The following MIPEP variants were observed in gnomAD, a reference collection of about 807,000 sequenced individuals.
The protein encoded by MIPEP is mitochondrial intermediate peptidase.
In MIPEP, 79 loss-of-function variants were observed where a neutral mutation model predicts 90.3. The observed-to-expected ratio is 0.87, with a 90% CI of 0.73 to 1.05. The LOEUF (loss-of-function observed/expected upper bound fraction) is 1.05. Among genes scored for constraint, MIPEP ranks in the 50% least tolerant of loss-of-function variants. MIPEP has a pLI of 0.00. For synonymous variants in MIPEP, 334 were observed against 315.8 expected, an observed-to-expected ratio of 1.06 and a Z score of -0.61; for missense variants, 940 against 905.6, an observed-to-expected ratio of 1.04 and a Z score of -0.49.
intron 15 of MIPEP, 134 bp downstream of exon 15, chr13:23,809,716 C>G: frequency 1.6e-6 from 1 of 612,492 alleles, no homozygotes; most frequent in South Asian, 2.5e-5. Context: ...TGGTCAAGTT[C>G]TTTGAACTCA....
At chr13:23,864,051 G>A in intron 8 of MIPEP, 90 bp downstream of exon 8, 1 of 732,168 alleles carries the variant, frequency 1.4e-6, no homozygotes, top group Non-Finnish European at 2.2e-6. Context: ...TATATTCTAG[G>A]TCACTTCCTA....
intron 16 of MIPEP, among the ~76,000 whole-genome samples, chr13:23,769,062 C>G (rs2138528896): frequency 6.6e-6 from 1 of 152,280 alleles, no homozygotes; most frequent in African/African-American, 2.4e-5. Flanking sequence ...TCTTCCCAGT[C>G]AAAACTCTTT....
intron 5 of MIPEP, 89 bp downstream of exon 5, chr13:23,874,757 A>G: frequency 1.8e-6 from 2 of 1,113,092 alleles, no homozygotes; most frequent in Non-Finnish European, 2.5e-6. Context: ...ATGCAAATTC[A>G]AGCAATATAT....
intron 16 of MIPEP, among the ~76,000 whole-genome samples, chr13:23,796,379 T>C (rs1353318636): frequency 6.6e-6 from 1 of 152,030 alleles, no homozygotes; most frequent in Non-Finnish European, 1.5e-5. Flanking sequence ...ATCGTTCCAC[T>C]GCACTACAGC....
At chr13:23,787,405 G>GGA (rs59011010) in intron 16 of MIPEP, among the ~76,000 whole-genome samples, 10 of 136,968 alleles carry the variant, frequency 7.3e-5, no homozygotes, top group African/African-American at 2.1e-4. Context: ...ACGGGGAGAG[G>GGA]GAGAGAGAGA....
intron 16 of MIPEP, among the ~76,000 whole-genome samples, chr13:23,764,215 C>T (rs1398624486): frequency 6.6e-6 from 1 of 152,140 alleles, no homozygotes; most frequent in Non-Finnish European, 1.5e-5. Context: ...ATTGCTGTCC[C>T]AAGGCATGCC....
chr13:23,792,402 C>G (rs1187613036), intron 16 of MIPEP, among the ~76,000 whole-genome samples: 1 of 152,202 alleles, frequency 6.6e-6, no homozygotes, highest in African/African-American at 2.4e-5. Flanking sequence ...TCTTCTCCAT[C>G]TTTATTTTTT....
At chr13:23,864,652 C>A (rs1174914024) in intron 7 of MIPEP, among the ~76,000 whole-genome samples, 1 of 144,494 alleles carries the variant, frequency 6.9e-6, no homozygotes, top group Non-Finnish European at 1.5e-5. Context: ...AGGAGAATAG[C>A]TTGAACCCAG....
At chr13:23,823,043 C>G (rs1953327590) in intron 14 of MIPEP, among the ~76,000 whole-genome samples, 1 of 152,032 alleles carries the variant, frequency 6.6e-6, no homozygotes, top group African/African-American at 2.4e-5. Flanking sequence ...TGCATTTTAT[C>G]CAGATCCCCA....
intron 18 of MIPEP, among the ~76,000 whole-genome samples, chr13:23,745,596 A>C (rs1328332433): frequency 6.6e-6 from 1 of 152,134 alleles, no homozygotes; most frequent in Admixed American, 6.6e-5. Context: ...TCAGCCCTTG[A>C]AGCTTGATGC....
At chr13:23,751,734 G>A (rs1345094956) in intron 18 of MIPEP, among the ~76,000 whole-genome samples, 1 of 152,138 alleles carries the variant, frequency 6.6e-6, no homozygotes, top group Non-Finnish European at 1.5e-5. Context: ...ACTGGGCCAT[G>A]TCCTGCTTAC....
At chr13:23,762,060 G>A (rs2138518831) in intron 16 of MIPEP, among the ~76,000 whole-genome samples, 1 of 152,264 alleles carries the variant, frequency 6.6e-6, no homozygotes, top group South Asian at 2.1e-4. Flanking sequence ...GGGAGGCGGA[G>A]GTTGTAGTGA....
intron 16 of MIPEP, among the ~76,000 whole-genome samples, chr13:23,798,258 A>C (rs1336089650): frequency 6.6e-6 from 1 of 152,248 alleles, no homozygotes; most frequent in Non-Finnish European, 1.5e-5. Flanking sequence ...AATTCAGCAC[A>C]ATTTTTGGCA....
At chr13:23,761,102 AAG>A (rs1952537659) in intron 16 of MIPEP, among the ~76,000 whole-genome samples, 1 of 152,094 alleles carries the variant, frequency 6.6e-6, no homozygotes, top group Non-Finnish European at 1.5e-5. Context: ...TTACTATACA[AAG>A]AGGGGTAATC....
At chr13:23,834,309 C>T (rs1197021546) in intron 14 of MIPEP, among the ~76,000 whole-genome samples, 2 of 152,146 alleles carry the variant, frequency 1.3e-5, no homozygotes, top group African/African-American at 2.4e-5. Context: ...AGCAGAAGAC[C>T]CAACCCATAT....
At chr13:23,807,788 A>G (rs920134552) in intron 15 of MIPEP, among the ~76,000 whole-genome samples, 4 of 152,242 alleles carry the variant, frequency 2.6e-5, no homozygotes, top group Admixed American at 6.5e-5. Context: ...GTATAAATAA[A>G]TCAGAATTCA....
At chr13:23,873,230 CTG>C (rs1870911717) in intron 5 of MIPEP, among the ~76,000 whole-genome samples, 1 of 152,226 alleles carries the variant, frequency 6.6e-6, no homozygotes, top group Non-Finnish European at 1.5e-5. Flanking sequence ...GGGGAGGACA[CTG>C]TGTATGAGGG....
Position 23,841,341 on chromosome 13 carries a change from T to G in MIPEP, c.1254A>C (p.Arg418=), listed in dbSNP as rs1032464385. Residue 418 remains arginine, a synonymous_variant, in exon 11 of 19, where the codon CGA becomes CGC. Transcript: ENST00000382172. ...AKGEVWSEDV[R]KLAVVHESEG... ...CTGAGCAGGAGGAGCTCACCAGTTTTCGGACATCTTCGCTCCACACCTCTC... is the reference window on the plus strand; with the variant it reads ...CTGAGCAGGAGGAGCTCACCAGTTTGCGGACATCTTCGCTCCACACCTCTC... The G allele has an allele frequency of 6.2e-7, 1 of 1,610,142 alleles. No individual in the cohort carries two copies. The highest frequency in any genetic ancestry group is 8.5e-7 in the Non-Finnish European group (1 of 1,178,936).
chr13:23,752,990 G>C (rs1952456572), intron 18 of MIPEP, among the ~76,000 whole-genome samples: 1 of 152,158 alleles, frequency 6.6e-6, no homozygotes, highest in Non-Finnish European at 1.5e-5. Context: ...CACTTTGGGA[G>C]ACCAAGGAGG....
Sources: allele counts gnomAD v4.1 joint callset (sites outside exome capture counted in the v4.1 genomes callset), GRCh38; gene constraint gnomAD v4.1.1; transcripts MANE v1.5; gene names NCBI Gene and HGNC (gene_info 2026-07-23, HGNC 2026-07-21).